Variants in FAM135B observed in about 807,000 individuals in gnomAD.
FAM135B encodes family with sequence similarity 135 member B.
Under a neutral mutation model 127.7 loss-of-function variants are expected in FAM135B, and 43 were observed. The ratio of observed to expected loss-of-function variants is 0.34; its 90% confidence interval spans 0.26 to 0.43. The LOEUF (loss-of-function observed/expected upper bound fraction) is 0.43, where lower values mean the gene tolerates loss of function less well. FAM135B is among the 20% of genes least tolerant of loss of function. The pLI, the probability that FAM135B is intolerant of heterozygous loss-of-function variation, is 1.00. For synonymous variants in FAM135B, 670 were observed against 665.1 expected (o/e 1.01, Z -0.11); for missense variants, 1,558 against 1,725.6 (o/e 0.90, Z 1.72).
intron 3 of FAM135B, among the ~76,000 whole-genome samples, chr8:138,268,729 C>T (rs953710301): frequency 2.0e-5 from 3 of 152,208 alleles, no homozygotes; most frequent in African/African-American, 7.2e-5. Context: ...CCCTTAAAGA[C>T]TAACTCATAC....
chr8:138,192,888 T>C (rs1023800069), intron 9 of FAM135B, among the ~76,000 whole-genome samples: 1 of 152,222 alleles, frequency 6.6e-6, no homozygotes, highest in African/African-American at 2.4e-5. Context: ...TGGGTGGTTG[T>C]ATCGGTGAAA....
intron 12 of FAM135B, among the ~76,000 whole-genome samples, chr8:138,156,042 G>T: frequency 6.6e-6 from 1 of 152,082 alleles, no homozygotes; most frequent in East Asian, 1.9e-4. Context: ...CCAAATAGAT[G>T]GAAGTAAAGC....
At chr8:138,364,991 T>G (rs1445701955) in intron 2 of FAM135B, among the ~76,000 whole-genome samples, 1 of 151,982 alleles carries the variant, frequency 6.6e-6, no homozygotes, top group Non-Finnish European at 1.5e-5. Context: ...AAATTACAAG[T>G]GCCCGCCACC....
At chr8:138,453,147 T>C (rs1836586598) in intron 1 of FAM135B, among the ~76,000 whole-genome samples, 1 of 152,130 alleles carries the variant, frequency 6.6e-6, no homozygotes, top group African/African-American at 2.4e-5. Context: ...TCAGGAAAGA[T>C]GCAAGTCTGT....
chr8:138,430,180 C>T (rs957771724), intron 1 of FAM135B, among the ~76,000 whole-genome samples: 4 of 152,162 alleles, frequency 2.6e-5, no homozygotes, highest in African/African-American at 4.8e-5. Context: ...CTGCAACAAA[C>T]GGCTGCTGCT....
intron 1 of FAM135B, among the ~76,000 whole-genome samples, chr8:138,472,559 A>G (rs1302717456): frequency 1.3e-5 from 2 of 152,158 alleles, no homozygotes; most frequent in Non-Finnish European, 2.9e-5. Flanking sequence ...CAACGGAAGG[A>G]GGGTATAATT....
chr8:138,426,504 C>T (rs532656338), intron 1 of FAM135B, among the ~76,000 whole-genome samples: 1 of 150,280 alleles, frequency 6.7e-6, no homozygotes, highest in East Asian at 2.0e-4. Flanking sequence ...CATATGTATA[C>T]TATATATGTA....
At position 138,151,382 on chromosome 8, in the gene FAM135B, C is replaced by T. The variant is rs1180858992; in HGVS notation, c.3093G>A (p.Val1031=). Residue 1031 remains valine, a synonymous_variant, in exon 13 of 20, where the codon GTG becomes GTA. Coordinates refer to ENST00000395297, the MANE Select transcript of FAM135B (RefSeq NM_015912.4). Reference sequence around the variant, plus strand: ...TGGCAGTGCAAGACACAGATAAGTTCACAACCTCCACAGCCTTCAGGCTGT... The same window carrying T: ...TGGCAGTGCAAGACACAGATAAGTTTACAACCTCCACAGCCTTCAGGCTGT... ...TLDSLKAVEV[V]NLSVSCTATC... 5.6e-6 allele frequency: 9 copies of T among 1,613,608 alleles called. No homozygotes were observed. Among genetic ancestry groups the T allele is most frequent in the Non-Finnish European group, 7.6e-6 (9 of 1,179,786 alleles).
At position 138,151,936 on chromosome 8, in the gene FAM135B, T is replaced by C. The variant is rs994881603; in HGVS notation, c.2539A>G (p.Ile847Val). 6.2e-7 allele frequency: 1 copy of C among 1,614,178 alleles called. No individual in the cohort carries two copies. The highest frequency in any genetic ancestry group is 8.5e-7 in the Non-Finnish European group (1 of 1,180,042). Residue 847 changes from isoleucine to valine, a missense_variant, in exon 13 of 20, where the codon ATC (isoleucine) becomes GTC (valine). By Grantham distance (29) the Ile-to-Val change is conservative. Transcript: ENST00000395297. ...AACTGCTTCCCTTTCCCTTTGGGGA[T>C]GTCTATGTATCCGGGGCCCTGCTGG... ...DNQQGPGYID[I>V]PKGKGKQFDA...
At chr8:138,396,129 C>T (rs1159414695) in intron 1 of FAM135B, among the ~76,000 whole-genome samples, 1 of 152,132 alleles carries the variant, frequency 6.6e-6, no homozygotes, top group Non-Finnish European at 1.5e-5. Flanking sequence ...TGGGGTGAGA[C>T]CAGGACAAGA....
chr8:138,262,405 T>C (rs1464952633), intron 4 of FAM135B, among the ~76,000 whole-genome samples: 1 of 152,130 alleles, frequency 6.6e-6, no homozygotes, highest in Non-Finnish European at 1.5e-5. Context: ...GTTTTCTTAT[T>C]GGGATTTGGG....
At chr8:138,259,272 G>A (rs534484124) in intron 4 of FAM135B, among the ~76,000 whole-genome samples, 2 of 152,032 alleles carry the variant, frequency 1.3e-5, no homozygotes, top group South Asian at 2.1e-4. Context: ...TCCATTCTTA[G>A]CTACTAACTT....
intron 2 of FAM135B, among the ~76,000 whole-genome samples, chr8:138,332,882 T>G (rs1206331030): frequency 1.3e-5 from 2 of 151,960 alleles, no homozygotes; most frequent in Admixed American, 6.6e-5. Flanking sequence ...TGACCTCACA[T>G]AAAGCAGGGT....
At chr8:138,360,684 G>C (rs1307075315) in intron 2 of FAM135B, among the ~76,000 whole-genome samples, 1 of 152,192 alleles carries the variant, frequency 6.6e-6, no homozygotes, top group African/African-American at 2.4e-5. Context: ...TTTAGCAAGT[G>C]CTGACACCTC....
intron 1 of FAM135B, among the ~76,000 whole-genome samples, chr8:138,479,772 C>T (rs1814698841): frequency 6.6e-6 from 1 of 152,078 alleles, no homozygotes; most frequent in African/African-American, 2.4e-5. Flanking sequence ...ATAGTAGGTG[C>T]TTATTAATAT....
Position 138,279,399 on chromosome 8 carries a change from T to C in FAM135B, c.158-13557A>G, listed in dbSNP as rs970133812. On this transcript the variant is annotated intron_variant, in intron 3 of 19. Coordinates refer to ENST00000395297, the MANE Select transcript of FAM135B (RefSeq NM_015912.4). The stretch of plus-strand genomic sequence containing the variant: ...GAGGCACATAATTAGTCTTTTTTAT[T>C]GAATTGATAGCATCATCCTCACCTC... Among the ~76,000 whole-genome samples, 33 of 152,220 alleles carry C rather than the reference T, an allele frequency of 2.2e-4. 4 individuals carry two copies. Among genetic ancestry groups the C allele is most frequent in the Admixed American group, 1.6e-3 (24 of 15,284 alleles).
chr8:138,386,489 T>C (rs1005404498), intron 1 of FAM135B, among the ~76,000 whole-genome samples: 12 of 151,726 alleles, frequency 7.9e-5, no homozygotes, highest in African/African-American at 2.9e-4. Context: ...TGTGCTAGAG[T>C]CTTGGAGGGC....
chr8:138,166,084 G>T (rs1344024765), intron 12 of FAM135B, among the ~76,000 whole-genome samples: 1 of 152,196 alleles, frequency 6.6e-6, no homozygotes, highest in Non-Finnish European at 1.5e-5. Context: ...ATCAGAGTTG[G>T]CGTTGAACGT....
At chr8:138,189,451 C>T (rs1205987210) in intron 9 of FAM135B, among the ~76,000 whole-genome samples, 1 of 152,222 alleles carries the variant, frequency 6.6e-6, no homozygotes, top group Non-Finnish European at 1.5e-5. Flanking sequence ...ACCGTCTGCC[C>T]TCATTGGCGG....
Sources: allele counts gnomAD v4.1 joint callset (sites outside exome capture counted in the v4.1 genomes callset), GRCh38; gene constraint gnomAD v4.1.1; transcripts MANE v1.5; gene names NCBI Gene and HGNC (gene_info 2026-07-23, HGNC 2026-07-21).